KNG1: variants seen among roughly 807,000 people sequenced by gnomAD.
The protein encoded by KNG1 is kininogen 1.
KNG1 carries 23 observed loss-of-function variants against 47.8 expected under a neutral mutation model. That is an observed-to-expected ratio of 0.48 (90% CI 0.35 to 0.68). KNG1 has a LOEUF of 0.68. KNG1 is among the 30% of genes least tolerant of loss of function. The pLI is 0.01. For missense variants in KNG1, 762 were observed against 790.2 expected (o/e 0.96, Z 0.43); for synonymous variants, 277 against 277.0 (o/e 1.00, Z 0.00).
chr3:186,742,280 C>T lies in KNG1; in HGVS notation c.1884C>T (p.Thr628=). The T allele has an allele frequency of 6.2e-7, 1 of 1,614,152 alleles. No homozygotes were observed. Among genetic ancestry groups the T allele is most frequent in the South Asian group, 1.1e-5 (1 of 91,068 alleles). The change falls in exon 10 of 10, where the codon ACC becomes ACT. Residue 628 remains threonine, a synonymous_variant. Transcript: ENST00000644859. ...PWKSVSEINP[T]TQMKESYYFD... ...AGTCAGTTAGTGAAATTAATCCAAC[C>T]ACACAAATGAAAGAATCTTATTATT... is the stretch of plus-strand genomic sequence containing the variant.
intron 9 of KNG1, among the ~76,000 whole-genome samples, chr3:186,741,243 C>T (rs933919107): frequency 4.6e-5 from 7 of 152,144 alleles, no homozygotes; most frequent in Non-Finnish European, 8.8e-5. Flanking sequence ...ATCTGCTCGC[C>T]TTGGTCTCCC....
In KNG1 at chr3:186,742,433, A is replaced by G. The variant is rs5030088; in HGVS notation, c.*102A>G. 0.035 allele frequency: 55,251 copies of G among 1,558,552 alleles called. 1,102 individuals are homozygous for G. Among genetic ancestry groups the G allele is most frequent in the African/African-American group, 0.066 (4,837 of 73,408 alleles). ...ATCCTGATATAATGCACCAAAAACC[A>G]TGCAGCTTCGGAACAGTCTAAAGAG... On this transcript the variant is annotated 3_prime_UTR_variant, in exon 10 of 10. Transcript: ENST00000644859.
At chr3:186,718,169 C>A in intron 1 of KNG1, 1 of 95,172 alleles carries the variant, frequency 1.1e-5, no homozygotes, top group Admixed American at 1.6e-4. Flanking sequence ...CCACCACCCA[C>A]CACCATCACC....
chr3:186,720,636 T>C (rs1720164163), intron 2 of KNG1: 1 of 286,326 alleles, frequency 3.5e-6, no homozygotes. Flanking sequence ...ACTGGCACTT[T>C]CTGCTGTATA....
chr3:186,739,493 A>G (rs1720752817), intron 9 of KNG1, 79 bp downstream of exon 9: 1 of 938,848 alleles, frequency 1.1e-6, no homozygotes, highest in Non-Finnish European at 1.8e-6. Flanking sequence ...AAAATGAACC[A>G]TTACTGAAAT....
At chr3:186,738,859 T>G (rs1017308055) in intron 7 of KNG1, 11 of 409,140 alleles carry the variant, frequency 2.7e-5, no homozygotes, top group East Asian at 2.6e-4. Context: ...AAAAAAAAAA[T>G]AAAGAAAATT....
Position 186,744,037 on chromosome 3 carries a change from G to A in KNG1, c.*1706G>A. On this transcript the variant is annotated 3_prime_UTR_variant, in exon 10 of 10. Transcript: ENST00000644859. ...GAGTCAGTGCTGTGGCTCTGCCATGGAGGCTCATAACCCAACACTGGAACA... is the reference window on the plus strand; with the variant it reads ...GAGTCAGTGCTGTGGCTCTGCCATGAAGGCTCATAACCCAACACTGGAACA... The A allele has an allele frequency of 1.9e-6, 1 of 536,130 alleles. No individual in the cohort carries two copies. Among genetic ancestry groups the A allele is most frequent in the East Asian group, 3.3e-5 (1 of 30,416 alleles). The allele number at this position is 536,130 out of a possible 1,614,324, so 33.2% of individuals were successfully genotyped here.
chr3:186,723,302 A>G (rs1720257018), intron 3 of KNG1, among the ~76,000 whole-genome samples: 2 of 152,228 alleles, frequency 1.3e-5, no homozygotes, highest in African/African-American at 4.8e-5. Context: ...ACTTTGAAAT[A>G]TACAATATAT....
chr3:186,725,410 G>C, intron 4 of KNG1, 150 bp downstream of exon 4: 1 of 730,514 alleles, frequency 1.4e-6, no homozygotes, highest in South Asian at 1.6e-5. Context: ...GAGTCGGATA[G>C]TGCAATATGT....
At chr3:186,740,974 TG>T (rs1337121873) in intron 9 of KNG1, among the ~76,000 whole-genome samples, 1 of 145,804 alleles carries the variant, frequency 6.9e-6, no homozygotes, top group African/African-American at 2.7e-5. Context: ...TGGGTTTTTT[TG>T]TTTTTTTTTT....
intron 5 of KNG1, chr3:186,728,808 C>T (rs1000505855): frequency 1.3e-5 from 2 of 152,114 alleles, no homozygotes; most frequent in Non-Finnish European, 2.9e-5. Context: ...CCCGCTGCAA[C>T]GCCAGGCTAA....
chr3:186,727,272 A>T lies in KNG1; in HGVS notation c.600A>T (p.Ser200=). ...VAGLNFRITY[S]IVQTNCSKEN... is the part of the protein sequence containing the mutation. ...GATTGAACTTTCGAATTACCTACTC[A>T]ATTGTGCAAACGAATTGTTCCAAAG... Residue 200 remains serine (S), a synonymous_variant, in exon 5 of 10, where the codon TCA becomes TCT. Coordinates refer to ENST00000644859, the MANE Select transcript of KNG1 (RefSeq NM_001102416.3). The T allele has an allele frequency of 6.2e-7, 1 of 1,613,856 alleles. No homozygotes were observed. The highest frequency in any genetic ancestry group is 8.5e-7 in the Non-Finnish European group (1 of 1,179,748).
At chr3:186,720,415 C>T in intron 2 of KNG1, 200 bp downstream of exon 2, 1 of 596,312 alleles carries the variant, frequency 1.7e-6, no homozygotes. Context: ...AGCAGTTAAA[C>T]ATGGAGAAAG....
At chr3:186,720,774 T>C (rs1382213440) in intron 2 of KNG1, among the ~76,000 whole-genome samples, 1 of 51,850 alleles carries the variant, frequency 1.9e-5, no homozygotes, top group Admixed American at 1.6e-4. Flanking sequence ...CATAGCTGGT[T>C]GTTGTTTTGC....
chr3:186,719,233 G>A (rs1433451555), intron 1 of KNG1, among the ~76,000 whole-genome samples: 1 of 152,018 alleles, frequency 6.6e-6, no homozygotes, highest in Non-Finnish European at 1.5e-5. Context: ...TGCCTTTAGT[G>A]GGTAAATTTT....
intron 3 of KNG1, among the ~76,000 whole-genome samples, chr3:186,724,458 A>C (rs1416246816): frequency 6.6e-6 from 1 of 152,164 alleles, no homozygotes; most frequent in Non-Finnish European, 1.5e-5. Flanking sequence ...GGGTAAGATG[A>C]TATCTCATCT....
At chr3:186,719,589 C>A (rs958844093) in intron 1 of KNG1, among the ~76,000 whole-genome samples, 2 of 151,906 alleles carry the variant, frequency 1.3e-5, no homozygotes, top group African/African-American at 4.8e-5. Flanking sequence ...AGTAGCCAGG[C>A]GTGGTGGAGG....
Position 186,717,535 on chromosome 3 carries a change from G to T in KNG1, c.-8G>T, listed in dbSNP as rs1720015816. On this transcript the variant is annotated 5_prime_UTR_variant, in exon 1 of 10. Coordinates refer to ENST00000644859, the MANE Select transcript of KNG1 (RefSeq NM_001102416.3). ...ATCCCTCAGCTCCTAGAGGGAGATT[G>T]TTAGATCATGAAACTAATTACCATC... is the stretch of plus-strand genomic sequence containing the variant. 2.5e-6 allele frequency: 4 copies of T among 1,602,282 alleles called. No individual in the cohort carries two copies. The African/African-American group carries it at 4.0e-5, about 16-fold the overall frequency.
In KNG1 at chr3:186,737,248, CT is replaced by C. The variant is rs1294553407; in HGVS notation, c.931-1843del. Among the ~76,000 whole-genome samples the C allele has an allele frequency of 3.9e-5, 6 of 152,058 alleles. No homozygotes were observed. The East Asian group carries it at 9.7e-4, about 24-fold the overall frequency. On this transcript the variant is annotated intron_variant, in intron 7 of 9. Transcript: ENST00000644859. ...GTTTTTGTTTATTAATGAAGTTAAA[CT>C]TTTTTTTAGGCTTAATGACCGTTTT...
Sources: allele counts gnomAD v4.1 joint callset (sites outside exome capture counted in the v4.1 genomes callset), GRCh38; gene constraint gnomAD v4.1.1; transcripts MANE v1.5; gene names NCBI Gene and HGNC (gene_info 2026-07-23, HGNC 2026-07-21).